The following ASCC1 variants were observed in gnomAD, a reference collection of about 807,000 sequenced individuals.
ASCC1 encodes ASC-1 complex subunit P50.
Under a neutral mutation model 46.6 loss-of-function variants are expected in ASCC1, and 35 were observed. The ratio of observed to expected loss-of-function variants is 0.75; its 90% CI spans 0.57 to 0.99. ASCC1 has a LOEUF of 0.99. Ranked by LOEUF, ASCC1 falls within the 50% of genes least tolerant of loss-of-function variation. The pLI, the probability that ASCC1 is intolerant of heterozygous loss-of-function variation, is 0.00. For missense variants in ASCC1, 376 were observed against 428.7 expected (o/e 0.88, Z 1.09); for synonymous variants, 143 against 146.6 (o/e 0.98, Z 0.18).
chr10:72,216,761 CTG>C (rs929035529), upstream of ASCC1: 9 of 454,538 alleles, frequency 2.0e-5, no homozygotes, highest in South Asian at 7.8e-5. Context: ...ACACAGCAAT[CTG>C]TGTCCACAAA....
chr10:72,196,674 A>G, intron 5 of ASCC1, 137 bp downstream of exon 5: 1 of 873,944 alleles, frequency 1.1e-6, no homozygotes, highest in Non-Finnish European at 1.8e-6. Flanking sequence ...AGTTCAATAT[A>G]AGAAGCCAAA....
At chr10:72,134,795 G>A (rs1845999665) in intron 7 of ASCC1, among the ~76,000 whole-genome samples, 1 of 152,198 alleles carries the variant, frequency 6.6e-6, no homozygotes, top group Non-Finnish European at 1.5e-5. Flanking sequence ...GAAGACTTCA[G>A]AGAGGCTGAA....
At chr10:72,120,133 C>T (rs933368955) in intron 9 of ASCC1, among the ~76,000 whole-genome samples, 2 of 152,138 alleles carry the variant, frequency 1.3e-5, no homozygotes, top group Middle Eastern at 3.4e-3. Context: ...GAGGCTGAGG[C>T]GAGAGAATTG....
At chr10:72,144,898 A>G (rs1276395322) in intron 7 of ASCC1, among the ~76,000 whole-genome samples, 1 of 152,114 alleles carries the variant, frequency 6.6e-6, no homozygotes, top group Admixed American at 6.5e-5. Context: ...TAGCCTCCTT[A>G]TATCTCAGAC....
intron 7 of ASCC1, among the ~76,000 whole-genome samples, chr10:72,141,434 T>C (rs967860985): frequency 1.3e-5 from 2 of 152,210 alleles, no homozygotes; most frequent in Non-Finnish European, 2.9e-5. Flanking sequence ...TTTACTGTTA[T>C]ATACAATACT....
intron 9 of ASCC1, among the ~76,000 whole-genome samples, chr10:72,104,161 T>C (rs1842097999): frequency 6.6e-6 from 1 of 152,160 alleles, no homozygotes; most frequent in Admixed American, 6.5e-5. Flanking sequence ...AGCCCGTTGA[T>C]TCCTGTACTC....
At chr10:72,115,066 A>T (rs1843348486) in intron 9 of ASCC1, among the ~76,000 whole-genome samples, 1 of 152,276 alleles carries the variant, frequency 6.6e-6, no homozygotes, top group Non-Finnish European at 1.5e-5. Flanking sequence ...GCCATAAAAA[A>T]TACAGGTGGT....
chr10:72,129,876 G>C (rs1466825993), intron 8 of ASCC1, among the ~76,000 whole-genome samples: 2 of 150,602 alleles, frequency 1.3e-5, no homozygotes, highest in African/African-American at 4.9e-5. Flanking sequence ...AACTACTCAG[G>C]AGGCTGAAGT....
intron 4 of ASCC1, among the ~76,000 whole-genome samples, chr10:72,202,273 C>A (rs1253243809): frequency 1.3e-5 from 2 of 152,092 alleles, no homozygotes; most frequent in African/African-American, 4.8e-5. Flanking sequence ...TTGAGACCAG[C>A]CTGGCCAACA....
chr10:72,160,445 G>A (rs141934928), intron 6 of ASCC1, among the ~76,000 whole-genome samples: 6 of 152,250 alleles, frequency 3.9e-5, no homozygotes, highest in African/African-American at 1.4e-4. Context: ...TTGAAATAAA[G>A]CTGTTATGCC....
chr10:72,147,178 G>A (rs1847734422), intron 7 of ASCC1, among the ~76,000 whole-genome samples: 1 of 151,554 alleles, frequency 6.6e-6, no homozygotes, highest in African/African-American at 2.4e-5. Context: ...AGAAAAACTA[G>A]AGCAGTACAA....
At chr10:72,144,418 T>C (rs775847002) in intron 7 of ASCC1, among the ~76,000 whole-genome samples, 15 of 152,240 alleles carry the variant, frequency 9.9e-5, no homozygotes, top group Non-Finnish European at 1.9e-4. Context: ...TAACTTAATT[T>C]TGGCTATATC....
At chr10:72,182,112 A>T (rs1716349739) in intron 5 of ASCC1, among the ~76,000 whole-genome samples, 2 of 152,168 alleles carry the variant, frequency 1.3e-5, no homozygotes, top group African/African-American at 4.8e-5. Context: ...AAGAAAGGAG[A>T]CTAGGAAGTT....
intron 5 of ASCC1, among the ~76,000 whole-genome samples, chr10:72,167,018 AAC>A (rs1409383221): frequency 1.3e-5 from 2 of 152,208 alleles, no homozygotes; most frequent in African/African-American, 2.4e-5. Context: ...CACTTTGGAA[AAC>A]AGTTTGGCAG....
chr10:72,125,942 A>G (rs1205171637), intron 9 of ASCC1, among the ~76,000 whole-genome samples: 2 of 152,186 alleles, frequency 1.3e-5, no homozygotes, highest in East Asian at 1.9e-4. Flanking sequence ...TATATAGTCA[A>G]TAAGTATTTC....
chr10:72,161,755 A>T, intron 5 of ASCC1, 81 bp from the exon 6 acceptor site: 1 of 1,538,870 alleles, frequency 6.5e-7, no homozygotes, highest in Admixed American at 1.7e-5. Context: ...CCCAAAAATA[A>T]ACCCACACAC....
chr10:72,161,510 C>T lies in ASCC1; in HGVS notation c.626+28G>A, dbSNP rs375100183. 3.1e-5 allele frequency: 50 copies of T among 1,614,054 alleles called. No individual in the cohort carries two copies. The African/African-American group carries it at 6.1e-4, about 20-fold the overall frequency. ...AAAGAAGCCAGCCCAGGTAGACCAC[C>T]CAACCCCCATCCCTGAGAATTACTC... On this transcript the variant is annotated intron_variant, in intron 6 of 9. Coordinates refer to ENST00000672957, the MANE Select transcript of ASCC1 (RefSeq NM_001198800.3).
intron 7 of ASCC1, among the ~76,000 whole-genome samples, chr10:72,135,749 G>A (rs1846104821): frequency 6.6e-6 from 1 of 152,232 alleles, no homozygotes; most frequent in Admixed American, 6.5e-5. Context: ...CAATCACCCA[G>A]ATGGCTGGGA....
chr10:72,119,131 C>T, intron 9 of ASCC1, among the ~76,000 whole-genome samples: 1 of 152,210 alleles, frequency 6.6e-6, no homozygotes, highest in South Asian at 2.1e-4. Flanking sequence ...CTGCTAGAGG[C>T]TGTGTGGACA....
Sources: gnomAD v4.1 joint callset for allele counts (sites outside exome capture counted in the v4.1 genomes callset) on GRCh38, gnomAD v4.1.1 for gene constraint, MANE v1.5 for transcripts, NCBI Gene and HGNC (gene_info 2026-07-23, HGNC 2026-07-21) for gene names.